The following BLCAP variants were observed in gnomAD, a reference collection of about 807,000 sequenced individuals.
BLCAP encodes the protein BLCAP apoptosis inducing factor, also known as apoptosis inducing factor BLCAP.
A neutral mutation model predicts 5.7 loss-of-function variants in BLCAP; 1 was observed. That is an observed-to-expected ratio of 0.18 (90% CI 0.06 to 0.83). The LOEUF is 0.83. Ranked by LOEUF, BLCAP falls within the 40% of genes least tolerant of loss-of-function variation. The pLI, the probability that BLCAP is intolerant of heterozygous loss-of-function variation, is 0.71. For synonymous variants in BLCAP, 48 were observed against 49.4 expected, an observed-to-expected ratio of 0.97 and a Z score of 0.11; for missense variants, 66 against 107.6, an observed-to-expected ratio of 0.61 and a Z score of 1.71.
intron 1 of BLCAP, chr20:37,522,329 T>A: frequency 6.2e-7 from 1 of 1,601,530 alleles, no homozygotes; most frequent in Non-Finnish European, 8.6e-7. Context: ...AGGAATCCTT[T>A]GCCAAAGGAA....
chr20:37,518,811 C>T lies in BLCAP; in HGVS notation c.*100G>A. The T allele has an allele frequency of 6.7e-7, 1 of 1,497,812 alleles. No homozygotes were observed. The highest frequency in any genetic ancestry group is 8.9e-7 in the Non-Finnish European group (1 of 1,117,342). 92.8% of individuals were successfully genotyped at this position (1,497,812 alleles called of 1,614,324 possible). ...AAAAGGCGCCGTCAGGAATGTGACA[C>T]CCGCGAGGCTGCGGGATTTGAAACT... is the stretch of plus-strand genomic sequence containing the variant. On this transcript the variant is annotated 3_prime_UTR_variant, in exon 2 of 2. Coordinates refer to ENST00000373537, the MANE Select transcript of BLCAP (RefSeq NM_006698.4).
intron 1 of BLCAP, chr20:37,522,993 C>T (rs1371110329): frequency 1.1e-5 from 5 of 472,168 alleles, no homozygotes; most frequent in African/African-American, 4.0e-5. Flanking sequence ...GGGGCAGGGT[C>T]GAGAGAGGAG....
intron 1 of BLCAP, chr20:37,523,048 G>A (rs1349182411): frequency 1.1e-5 from 4 of 376,590 alleles, no homozygotes; most frequent in Non-Finnish European, 1.9e-5. Context: ...CATAGGCACC[G>A]CATTCTGATC....
In BLCAP at chr20:37,518,325, G is replaced by C. The variant is rs1375396320; in HGVS notation, c.*586C>G. 2 of 152,432 alleles carry C rather than the reference G, an allele frequency of 1.3e-5. No individual in the cohort carries two copies. 9.4% of individuals were successfully genotyped at this position (152,432 alleles called of 1,614,324 possible). On this transcript the variant is annotated 3_prime_UTR_variant, in exon 2 of 2. Coordinates refer to ENST00000373537, the MANE Select transcript of BLCAP (RefSeq NM_006698.4). ...TGTGGACAACTAACAGTCAAGACAT[G>C]TTTCTGTCTAGCCTGCTGAACAAGG...
intron 1 of BLCAP, chr20:37,522,840 A>C: frequency 7.5e-7 from 1 of 1,327,124 alleles, no homozygotes; most frequent in East Asian, 2.5e-5. Flanking sequence ...AGTGCCGCGC[A>C]GGAATGTGGG....
chr20:37,524,942 C>T (rs6019102), intron 1 of BLCAP, among the ~76,000 whole-genome samples: 113,259 of 152,154 alleles, frequency 0.74, 42,525 homozygotes, highest in East Asian at 0.87. Flanking sequence ...AACCCTAACA[C>T]GCTAGAAACT....
Position 37,518,403 on chromosome 20 carries a change from G to A in BLCAP, c.*508C>T, listed in dbSNP as rs2147181406. 1 of 153,298 alleles carries A rather than the reference G, an allele frequency of 6.5e-6. No individual in the cohort carries two copies. The highest frequency in any genetic ancestry group is 1.9e-4 in the East Asian group (1 of 5,186). The allele number at this position is 153,298 out of a possible 1,614,324, so 9.5% of individuals were successfully genotyped here. A position where few individuals can be genotyped will look rare whatever the true frequency, so the allele number is the denominator to read the frequency against. On this transcript the variant is annotated 3_prime_UTR_variant, in exon 2 of 2. Coordinates refer to ENST00000373537, the MANE Select transcript of BLCAP (RefSeq NM_006698.4). ...GGGCGTCAGCAATCTCTTCAAATTCGAGATAAGTGCAAAAATGAGCCCTGT... is the reference window on the plus strand; with the variant it reads ...GGGCGTCAGCAATCTCTTCAAATTCAAGATAAGTGCAAAAATGAGCCCTGT...
chr20:37,519,817 C>T (rs2071508295), intron 1 of BLCAP, among the ~76,000 whole-genome samples: 1 of 152,402 alleles, frequency 6.6e-6, no homozygotes, highest in South Asian at 2.1e-4. Flanking sequence ...GCATCTCTCA[C>T]AGCCATAGGT....
At chr20:37,523,958 AG>A (rs979863802) in intron 1 of BLCAP, among the ~76,000 whole-genome samples, 7 of 152,192 alleles carry the variant, frequency 4.6e-5, no homozygotes, top group Non-Finnish European at 1.0e-4. Context: ...CCAAAGGGAT[AG>A]GTGCTTTACT....
In BLCAP at chr20:37,521,094, G is replaced by A. The variant is rs1177262864; in HGVS notation, c.-176-1744C>T. On this transcript the variant is annotated intron_variant, in intron 1 of 1. Coordinates refer to ENST00000373537, the MANE Select transcript of BLCAP (RefSeq NM_006698.4). This position sits in a 1 kb window ranked among gnomAD's most constrained non-coding sequence, Gnocchi z 4.5. Reference sequence around the variant, plus strand: ...GGGGCTAAGATGGAACTCAGGAGGCGGGGGTCGGTATGGAAAGAGCAGATG... The same window carrying A: ...GGGGCTAAGATGGAACTCAGGAGGCAGGGGTCGGTATGGAAAGAGCAGATG... 9 of 566,012 alleles carry A rather than the reference G, an allele frequency of 1.6e-5. No individual in the cohort carries two copies. The highest frequency in any genetic ancestry group is 1.5e-4 in the East Asian group (5 of 33,170). The allele number at this position is 566,012 out of a possible 1,614,324, so 35.1% of individuals were successfully genotyped here.
chr20:37,519,109 C>T lies in BLCAP; in HGVS notation c.66G>A (p.Trp22Ter). 1.2e-6 allele frequency: 2 copies of T among 1,613,052 alleles called. No individual in the cohort carries two copies. Residue 22 changes from tryptophan (W) to a stop codon, truncating the protein, a stop_gained, in exon 2 of 2, where the codon TGG (tryptophan) becomes TGA (stop). Coordinates refer to ENST00000373537, the MANE Select transcript of BLCAP (RefSeq NM_006698.4). LOFTEE classifies it high-confidence loss of function. ...AGCCCATGAACATGGAGTGGCTGAA[C>T]CACAGGGCGGGGTTGAGGGGCTTGG... is the stretch of plus-strand genomic sequence containing the variant. Reference protein sequence around the residue: ...LIPKPLNPALWFSHSMFMGFY... With the variant: ...LIPKPLNPAL
chr20:37,518,648 G>A lies in BLCAP; in HGVS notation c.*263C>T. Reference sequence around the variant, plus strand: ...TCCTCACAGTAATGAGGCGAGAGGGGTGGTCATGCGGCCAGCCAGGACCTA... The same window carrying A: ...TCCTCACAGTAATGAGGCGAGAGGGATGGTCATGCGGCCAGCCAGGACCTA... On this transcript the variant is annotated 3_prime_UTR_variant, in exon 2 of 2. Transcript: ENST00000373537. 4.0e-6 allele frequency: 2 copies of A among 499,150 alleles called. No individual in the cohort carries two copies. The highest frequency in any genetic ancestry group is 7.2e-6 in the Non-Finnish European group (2 of 277,432). The allele number at this position is 499,150 out of a possible 1,614,324, so 30.9% of individuals were successfully genotyped here. A position where few individuals can be genotyped will look rare whatever the true frequency, so the allele number is the denominator to read the frequency against.
At chr20:37,525,890 C>G (rs544014768) in intron 1 of BLCAP, among the ~76,000 whole-genome samples, 2 of 152,124 alleles carry the variant, frequency 1.3e-5, no homozygotes, top group African/African-American at 4.8e-5. Flanking sequence ...CAGAGCAGAT[C>G]GGTTGGGAAG....
chr20:37,519,166 G>A lies in BLCAP; in HGVS notation c.9C>T (p.Cys3=). ...GGAGGACGGGCAGCAGCCACTGGAG[G>A]CAATACATGATCTCTGCCGGGCAGG... The part of the protein sequence containing the change: MY[C]LQWLLPVLLI... Residue 3 remains cysteine, a synonymous_variant, in exon 2 of 2, where the codon TGC becomes TGT. Coordinates refer to ENST00000373537, the MANE Select transcript of BLCAP (RefSeq NM_006698.4). 1 of 1,587,864 alleles carries A rather than the reference G, an allele frequency of 6.3e-7. No individual in the cohort carries two copies.
In BLCAP at chr20:37,521,687, C is replaced by CG; in HGVS notation, c.-176-2338dup. The CG allele has an allele frequency of 2.4e-6, 1 of 417,432 alleles. No homozygotes were observed. Among genetic ancestry groups the CG allele is most frequent in the South Asian group, 2.8e-5 (1 of 35,892 alleles). The allele number at this position is 417,432 out of a possible 1,614,324, so 25.9% of individuals were successfully genotyped here. On this transcript the variant is annotated intron_variant, in intron 1 of 1. Coordinates refer to ENST00000373537, the MANE Select transcript of BLCAP (RefSeq NM_006698.4). This position sits in a 1 kb window ranked among gnomAD's most constrained non-coding sequence, Gnocchi z 4.5. ...TCACCCAGGCATTTAGCGACCTACG[C>CG]GGTAAGAAAAACCCGCTACACCCGG... is the stretch of plus-strand genomic sequence containing the variant.
At chr20:37,527,087 G>C (rs1332737582) in intron 1 of BLCAP, 1 of 152,190 alleles carries the variant, frequency 6.6e-6, no homozygotes, top group Admixed American at 6.5e-5. Flanking sequence ...AACTAAAGGA[G>C]ATTTGGAAAG....
chr20:37,522,820 C>A, intron 1 of BLCAP: 1 of 1,455,458 alleles, frequency 6.9e-7, no homozygotes, highest in Admixed American at 2.1e-5. Context: ...TCTCGGCCAG[C>A]ACGGGAGCCA....
intron 1 of BLCAP, chr20:37,522,584 T>TG: frequency 1.6e-6 from 1 of 629,024 alleles, no homozygotes; most frequent in Non-Finnish European, 2.1e-6. Flanking sequence ...GGGCAGGGGG[T>TG]GGGGCGGGGG....
At position 37,521,326 on chromosome 20, in the gene BLCAP, G is replaced by C. The variant is rs759834753; in HGVS notation, c.-176-1976C>G. 4.3e-6 allele frequency: 7 copies of C among 1,613,950 alleles called. No individual in the cohort carries two copies. The Admixed American group carries it at 6.7e-5, about 15-fold the overall frequency. On this transcript the variant is annotated intron_variant, in intron 1 of 1. Transcript: ENST00000373537. The surrounding 1 kb of genome is among the most constrained non-coding windows in gnomAD (Gnocchi z 4.5). ...TCTCGACCACCCACCTACCATTCTT[G>C]GAACCATGGCGGCAGTGGCGGCGGC... is the stretch of plus-strand genomic sequence containing the variant.
Sources: allele counts gnomAD v4.1 joint callset (sites outside exome capture counted in the v4.1 genomes callset), GRCh38; gene constraint gnomAD v4.1.1; non-coding constraint Gnocchi (gnomAD v3.1); transcripts MANE v1.5; gene names NCBI Gene and HGNC (gene_info 2026-07-23, HGNC 2026-07-21).